The following ERC1 variants were observed in gnomAD, a reference collection of about 807,000 sequenced individuals.
ERC1 encodes ELKS/RAB6-interacting/CAST family member 1.
In ERC1, 56 loss-of-function variants were observed where a neutral mutation model predicts 132.0. That is an observed-to-expected ratio of 0.42 (90% CI 0.34 to 0.53). The LOEUF (loss-of-function observed/expected upper bound fraction) is 0.53, where lower values mean the gene tolerates loss of function less well. Ranked by LOEUF, ERC1 falls within the 20% of genes least tolerant of loss-of-function variation. The probability of loss-of-function intolerance (pLI) is 0.03; values close to 1 mark genes in which losing one functional copy is unlikely to be tolerated. For synonymous variants in ERC1, 478 were observed against 476.1 expected (o/e 1.00, Z -0.05); for missense variants, 1,202 against 1,349.9 (o/e 0.89, Z 1.72).
intron 8 of ERC1, among the ~76,000 whole-genome samples, chr12:1,180,304 C>T (rs951729561): frequency 3.9e-4 from 56 of 143,806 alleles, no homozygotes; most frequent in African/African-American, 1.2e-3. Flanking sequence ...TGTGCGCGCG[C>T]GCATACACAT....
At chr12:1,059,690 T>C (rs182866314) in intron 2 of ERC1, among the ~76,000 whole-genome samples, 1 of 152,340 alleles carries the variant, frequency 6.6e-6, no homozygotes, top group African/African-American at 2.4e-5. Flanking sequence ...TAAATCCCAC[T>C]TTGTCTTGGT....
In ERC1 at chr12:1,261,817, G is replaced by A. The variant is rs115482162; in HGVS notation, c.2488-1217G>A. Among the ~76,000 whole-genome samples, 742 of 152,140 alleles carry A rather than the reference G, an allele frequency of 4.9e-3. 10 individuals carry two copies. The highest frequency in any genetic ancestry group is 0.017 in the African/African-American group (700 of 41,484). ...TGAAAACTTGTAACATGAACATCAC[G>A]TACAGCACCAAAATGTGAATTTTTT... On this transcript the variant is annotated intron_variant, in intron 13 of 18. Coordinates refer to ENST00000360905, the MANE Select transcript of ERC1 (RefSeq NM_178040.4).
At chr12:1,139,184 A>C (rs1052168061) in intron 7 of ERC1, among the ~76,000 whole-genome samples, 1 of 152,154 alleles carries the variant, frequency 6.6e-6, no homozygotes, top group Non-Finnish European at 1.5e-5. Context: ...TTTTAAGTTA[A>C]GCTTTTTTTT....
chr12:1,115,390 A>T (rs896011776), intron 6 of ERC1, among the ~76,000 whole-genome samples: 1 of 152,240 alleles, frequency 6.6e-6, no homozygotes, highest in African/African-American at 2.4e-5. Context: ...AAATTAGCAC[A>T]ACAGCAGCAG....
At chr12:1,246,136 C>T (rs2076144837) in intron 13 of ERC1, among the ~76,000 whole-genome samples, 1 of 151,790 alleles carries the variant, frequency 6.6e-6, no homozygotes, top group South Asian at 2.1e-4. Context: ...CCCAGCTATC[C>T]CATGTCGTAG....
chr12:1,198,584 T>A (rs1014664527), intron 12 of ERC1, among the ~76,000 whole-genome samples: 1 of 152,226 alleles, frequency 6.6e-6, no homozygotes, highest in East Asian at 1.9e-4. Context: ...TTTCCATACC[T>A]CATTGTATTA....
At chr12:1,394,186 G>A (rs1417794843) in intron 16 of ERC1, among the ~76,000 whole-genome samples, 4 of 151,674 alleles carry the variant, frequency 2.6e-5, no homozygotes, top group Non-Finnish European at 5.9e-5. Flanking sequence ...AGATCACGAG[G>A]TCAGGAGATC....
At chr12:1,143,298 C>T (rs1320336907) in intron 8 of ERC1, among the ~76,000 whole-genome samples, 2 of 151,146 alleles carry the variant, frequency 1.3e-5, no homozygotes, top group Admixed American at 6.6e-5. Flanking sequence ...CTCCCAAGGC[C>T]ACTGCTCCTA....
intron 14 of ERC1, among the ~76,000 whole-genome samples, chr12:1,284,056 C>T (rs61912036): frequency 0.078 from 11,832 of 152,216 alleles, 656 homozygotes; most frequent in Non-Finnish European, 0.12. Context: ...TCATCCCCCT[C>T]TCCCTCCTAC....
chr12:1,263,314 T>C, intron 14 of ERC1, 149 bp downstream of exon 14: 3 of 664,150 alleles, frequency 4.5e-6, no homozygotes, highest in Non-Finnish European at 4.8e-6. Flanking sequence ...AGTTCCTTCA[T>C]AGCGGTATTA....
At chr12:1,454,961 A>G (rs980845532) in intron 18 of ERC1, among the ~76,000 whole-genome samples, 1 of 152,174 alleles carries the variant, frequency 6.6e-6, no homozygotes, top group Admixed American at 6.5e-5. Context: ...CCATTTTTTT[A>G]GGGGCCTAAG....
At chr12:1,192,234 G>T (rs1427742175) in intron 12 of ERC1, among the ~76,000 whole-genome samples, 1 of 152,172 alleles carries the variant, frequency 6.6e-6, no homozygotes, top group Non-Finnish European at 1.5e-5. Flanking sequence ...TTAGTATTAT[G>T]ACTTGCTTAC....
At chr12:1,438,971 A>ATATAT (rs879572392) in intron 17 of ERC1, among the ~76,000 whole-genome samples, 1 of 144,444 alleles carries the variant, frequency 6.9e-6, no homozygotes, top group Admixed American at 6.7e-5. Context: ...ATATATATAT[A>ATATAT]AAAAATGACA....
At chr12:1,151,163 A>C (rs1480267460) in intron 8 of ERC1, among the ~76,000 whole-genome samples, 1 of 152,238 alleles carries the variant, frequency 6.6e-6, no homozygotes, top group Non-Finnish European at 1.5e-5. Flanking sequence ...AGAATAATAA[A>C]GTAACAGTGA....
In ERC1 at chr12:1,028,259, C is replaced by T. The variant is rs1452989365; in HGVS notation, c.356C>T (p.Ala119Val). 6.2e-7 allele frequency: 1 copy of T among 1,614,070 alleles called. No individual in the cohort carries two copies. Among genetic ancestry groups the T allele is most frequent in the Non-Finnish European group, 8.5e-7 (1 of 1,180,032 alleles). The change falls in exon 2 of 19, where the codon GCT becomes GTT. Residue 119 changes from alanine to valine, a missense_variant. Transcript: ENST00000360905. ...SSPNIASSGVASDTIAFGEHH... is the reference protein window; with the variant it reads ...SSPNIASSGVVSDTIAFGEHH... ...CCCAATATAGCTAGCAGTGGGGTTG[C>T]TAGTGACACCATAGCATTTGGAGAG...
rs139812866 is a variant in ERC1, at chr12:1,434,133, T to G, written c.3025-10429T>G. Reference sequence around the variant, plus strand: ...TGATTTCTAGAGTTAGATTTTATCATTTCACTCTTTAATCTGTTTCTTATT... The same window carrying G: ...TGATTTCTAGAGTTAGATTTTATCAGTTCACTCTTTAATCTGTTTCTTATT... On this transcript the variant is annotated intron_variant, in intron 17 of 18. Transcript: ENST00000360905. 2.8e-4 allele frequency among the ~76,000 whole-genome samples: 43 copies of G among 152,256 alleles called. No individual in the cohort carries two copies. In the East Asian group the frequency reaches 8.3e-3, roughly 29 times the overall value.
intron 8 of ERC1, among the ~76,000 whole-genome samples, chr12:1,145,237 G>A (rs1433232686): frequency 7.9e-5 from 12 of 152,078 alleles, no homozygotes; most frequent in Admixed American, 7.9e-4. Flanking sequence ...GGCTGGTCTT[G>A]AACTCCTGAT....
rs866370114 is a variant in ERC1, at chr12:1,180,292, C to T, written c.1738-248C>T. Among the ~76,000 whole-genome samples the T allele has an allele frequency of 4.6e-3, 596 of 130,326 alleles. 8 individuals carry two copies. Among genetic ancestry groups the T allele is most frequent in the African/African-American group, 0.025 (562 of 22,542 alleles). 85.5% of individuals were successfully genotyped at this position (130,326 alleles called of 152,430 possible). A position where few individuals can be genotyped will look rare whatever the true frequency, so the allele number is the denominator to read the frequency against. On this transcript the variant is annotated intron_variant, in intron 8 of 18. Transcript: ENST00000360905. ...GTGTGTGTGTGTGTGTGCGCGCACG[C>T]GTGTGCGCGCGCGCATACACATGTG...
At chr12:1,101,404 A>C (rs1458575547) in intron 3 of ERC1, among the ~76,000 whole-genome samples, 1 of 152,176 alleles carries the variant, frequency 6.6e-6, no homozygotes, top group East Asian at 1.9e-4. Context: ...CATCACTGAC[A>C]CTGCTCACCA....
Sources: gnomAD v4.1 joint callset for allele counts (sites outside exome capture counted in the v4.1 genomes callset) on GRCh38, gnomAD v4.1.1 for gene constraint, MANE v1.5 for transcripts, NCBI Gene and HGNC (gene_info 2026-07-23, HGNC 2026-07-21) for gene names.